Variants in MLLT1 observed in about 807,000 individuals in gnomAD.
The protein encoded by MLLT1 is protein ENL.
A neutral mutation model predicts 55.1 loss-of-function variants in MLLT1; 11 were observed. The ratio of observed to expected loss-of-function variants is 0.20; its 90% CI spans 0.13 to 0.33. MLLT1 has a LOEUF of 0.33. Ranked by LOEUF, MLLT1 falls within the 10% of genes least tolerant of loss-of-function variation. MLLT1 has a pLI of 1.00. For missense variants in MLLT1, 536 were observed against 760.6 expected, an observed-to-expected ratio of 0.70 and a Z score of 3.47; for synonymous variants, 323 against 320.1, an observed-to-expected ratio of 1.01 and a Z score of -0.10.
At chr19:6,244,099 G>A (rs1193339667) in intron 3 of MLLT1, among the ~76,000 whole-genome samples, 1 of 142,540 alleles carries the variant, frequency 7.0e-6, no homozygotes, top group Admixed American at 7.0e-5. Flanking sequence ...GAACCCAACC[G>A]ACCCTTTCTA....
chr19:6,224,789 G>C (rs2090938036), intron 5 of MLLT1, among the ~76,000 whole-genome samples: 1 of 152,184 alleles, frequency 6.6e-6, no homozygotes, highest in African/African-American at 2.4e-5. Flanking sequence ...GAGTGCAGTG[G>C]TGCGATCTCG....
chr19:6,240,814 C>G lies in MLLT1; in HGVS notation c.277-10101G>C, dbSNP rs1015876545. Among the ~76,000 whole-genome samples, 1 of 152,268 alleles carries G rather than the reference C, an allele frequency of 6.6e-6. No individual in the cohort carries two copies. Among genetic ancestry groups the G allele is most frequent in the Non-Finnish European group, 1.5e-5 (1 of 68,034 alleles). On this transcript the variant is annotated intron_variant, in intron 3 of 11. Transcript: ENST00000252674. The surrounding 1 kb of genome is among the most constrained non-coding windows in gnomAD (Gnocchi z 4.7). The stretch of plus-strand genomic sequence containing the variant: ...TTCTGTGCTTCGCATTTCCGATAAC[C>G]AGAATCAATTCCTGCATCGATGAGC...
intron 3 of MLLT1, among the ~76,000 whole-genome samples, chr19:6,261,495 C>T (rs1041467685): frequency 2.0e-5 from 3 of 152,106 alleles, no homozygotes; most frequent in Non-Finnish European, 4.4e-5. Flanking sequence ...CCTTCCCCAG[C>T]GTTGCCTCCA....
At chr19:6,217,269 C>T (rs575258714) in intron 7 of MLLT1, among the ~76,000 whole-genome samples, 1 of 152,200 alleles carries the variant, frequency 6.6e-6, no homozygotes. Flanking sequence ...CCCCAGCCCC[C>T]CTGCAAAGGA....
chr19:6,255,822 G>A (rs774383485), intron 3 of MLLT1, among the ~76,000 whole-genome samples: 3 of 152,178 alleles, frequency 2.0e-5, no homozygotes, highest in Non-Finnish European at 1.5e-5. Context: ...ACTCACACTT[G>A]CCAATTTCAA....
chr19:6,277,080 C>T (rs1306518842), intron 1 of MLLT1, among the ~76,000 whole-genome samples: 1 of 152,202 alleles, frequency 6.6e-6, no homozygotes, highest in South Asian at 2.1e-4. Context: ...AGCGGAAGCC[C>T]GGGTTCTGCT....
intron 2 of MLLT1, among the ~76,000 whole-genome samples, chr19:6,264,089 A>G (rs2091327147): frequency 6.6e-6 from 1 of 152,118 alleles, no homozygotes; most frequent in Non-Finnish European, 1.5e-5. Flanking sequence ...CGCTAACTGT[A>G]CACATTACAA....
Position 6,212,701 on chromosome 19 carries a change from A to G in MLLT1, c.*341T>C, listed in dbSNP as rs1284364975. On this transcript the variant is annotated 3_prime_UTR_variant, in exon 12 of 12. Coordinates refer to ENST00000252674, the MANE Select transcript of MLLT1 (RefSeq NM_005934.4). ...AGAAAGGCTGGGGCAGCGACGCCGC[A>G]CAGCCCGCCGAGCAGTGGGGGCTGG... The G allele has an allele frequency of 1.8e-6, 2 of 1,133,150 alleles. No individual in the cohort carries two copies. Among genetic ancestry groups the G allele is most frequent in the Non-Finnish European group, 2.2e-6 (2 of 922,988 alleles). The allele number at this position is 1,133,150 out of a possible 1,614,324, so 70.2% of individuals were successfully genotyped here.
chr19:6,248,870 G>A (rs1172280020), intron 3 of MLLT1, among the ~76,000 whole-genome samples: 1 of 152,114 alleles, frequency 6.6e-6, no homozygotes, highest in Admixed American at 6.5e-5. Flanking sequence ...GAGGTCCTAT[G>A]GGAATTCTCT....
chr19:6,254,446 A>G (rs2091242452), intron 3 of MLLT1, among the ~76,000 whole-genome samples: 1 of 152,252 alleles, frequency 6.6e-6, no homozygotes. Context: ...CACCCGATTT[A>G]TGGCCGGTTG....
At chr19:6,272,822 T>C (rs78589733) in intron 1 of MLLT1, among the ~76,000 whole-genome samples, 2,202 of 152,288 alleles carry the variant, frequency 0.014, 75 homozygotes, top group East Asian at 0.13. Context: ...GTGGAAGAAC[T>C]GGCCAGAGAG....
intron 3 of MLLT1, among the ~76,000 whole-genome samples, chr19:6,249,565 G>T (rs999508015): frequency 6.6e-6 from 1 of 152,146 alleles, no homozygotes; most frequent in Non-Finnish European, 1.5e-5. Flanking sequence ...CAGTTCAGCC[G>T]CAGCATGCAG....
chr19:6,268,358 A>G (rs1327308662), intron 2 of MLLT1, among the ~76,000 whole-genome samples: 25 of 151,910 alleles, frequency 1.6e-4, no homozygotes, highest in Non-Finnish European at 2.9e-5. Context: ...AAGCTGGTAA[A>G]TCAGTAAGTA....
At chr19:6,236,004 C>T (rs1475242512) in intron 3 of MLLT1, among the ~76,000 whole-genome samples, 2 of 152,184 alleles carry the variant, frequency 1.3e-5, no homozygotes, top group African/African-American at 4.8e-5. Flanking sequence ...CCATGAACAC[C>T]ACACACAATG....
chr19:6,241,782 G>A (rs1351530048), intron 3 of MLLT1, among the ~76,000 whole-genome samples: 4 of 152,336 alleles, frequency 2.6e-5, no homozygotes, highest in South Asian at 2.1e-4. Context: ...GACAGACTGC[G>A]CCACAGCTGG....
chr19:6,264,435 C>T (rs1001570688), intron 2 of MLLT1, among the ~76,000 whole-genome samples: 4 of 152,014 alleles, frequency 2.6e-5, no homozygotes, highest in African/African-American at 7.2e-5. Context: ...AGAACCCACC[C>T]TCCCATCACA....
intron 5 of MLLT1, among the ~76,000 whole-genome samples, chr19:6,223,516 C>T (rs561451303): frequency 1.3e-5 from 2 of 152,278 alleles, no homozygotes; most frequent in East Asian, 1.9e-4. Context: ...GTGACCTGCA[C>T]ACCACAGGAC....
rs2091108048 is a variant in MLLT1 at position 6,240,993 on chromosome 19, A to C, written c.277-10280T>G. Among the ~76,000 whole-genome samples, 1 of 152,220 alleles carries C rather than the reference A, an allele frequency of 6.6e-6. No homozygotes were observed. The highest frequency in any genetic ancestry group is 1.5e-5 in the Non-Finnish European group (1 of 68,034). On this transcript the variant is annotated intron_variant, in intron 3 of 11. Transcript: ENST00000252674. This position sits in a 1 kb window ranked among gnomAD's most constrained non-coding sequence, Gnocchi z 4.7. Reference sequence around the variant, plus strand: ...TCAGTCTGACACCAGAAAAGGCAGAAAGCAGCCAGCAACGTAAACACCTGT... The same window carrying C: ...TCAGTCTGACACCAGAAAAGGCAGACAGCAGCCAGCAACGTAAACACCTGT...
intron 3 of MLLT1, among the ~76,000 whole-genome samples, chr19:6,257,410 AAC>A (rs1295510667): frequency 6.6e-6 from 1 of 151,854 alleles, no homozygotes; most frequent in Admixed American, 6.6e-5. Context: ...AAAAAAAAAA[AAC>A]ACCTAAAAAA....
Sources: allele counts gnomAD v4.1 joint callset (sites outside exome capture counted in the v4.1 genomes callset), GRCh38; gene constraint gnomAD v4.1.1; non-coding constraint Gnocchi (gnomAD v3.1); transcripts MANE v1.5; gene names NCBI Gene and HGNC (gene_info 2026-07-23, HGNC 2026-07-21).